Variants in GRXCR1 observed in about 807,000 individuals in gnomAD.
The protein encoded by GRXCR1 is glutaredoxin and cysteine rich domain containing 1, also known as glutaredoxin domain-containing cysteine-rich protein 1.
A neutral mutation model predicts 27.3 loss-of-function variants in GRXCR1; 27 were observed. The ratio of observed to expected loss-of-function variants is 0.99; its 90% CI spans 0.73 to 1.37. The LOEUF (loss-of-function observed/expected upper bound fraction) is 1.37, where lower values mean the gene tolerates loss of function less well. GRXCR1 is among the 40% of genes most tolerant of loss of function. The pLI, the probability that GRXCR1 is intolerant of heterozygous loss-of-function variation, is 0.00. For missense variants in GRXCR1, 379 were observed against 354.4 expected, an observed-to-expected ratio of 1.07 and a Z score of -0.56; for synonymous variants, 122 against 131.1, an observed-to-expected ratio of 0.93 and a Z score of 0.47.
chr4:43,009,080 C>T (rs1024973890), intron 2 of GRXCR1, among the ~76,000 whole-genome samples: 1 of 152,196 alleles, frequency 6.6e-6, no homozygotes, highest in Non-Finnish European at 1.5e-5. Context: ...AAATCTCAAG[C>T]TTGCCTTCTT....
chr4:42,933,028 T>G (rs997797939), intron 1 of GRXCR1, among the ~76,000 whole-genome samples: 4 of 151,846 alleles, frequency 2.6e-5, no homozygotes, highest in Non-Finnish European at 5.9e-5. Context: ...ACCACTTTAC[T>G]CAACTATTGG....
intron 1 of GRXCR1, among the ~76,000 whole-genome samples, chr4:42,904,328 T>A (rs904609596): frequency 6.6e-6 from 1 of 152,216 alleles, no homozygotes; most frequent in African/African-American, 2.4e-5. Context: ...CTTGAAAACA[T>A]TCTTCTATCA....
chr4:42,970,617 C>T (rs1002957249), intron 2 of GRXCR1, among the ~76,000 whole-genome samples: 2 of 152,120 alleles, frequency 1.3e-5, no homozygotes, highest in Admixed American at 6.6e-5. Flanking sequence ...GGATGTAGAG[C>T]AACATGTCCC....
intron 1 of GRXCR1, among the ~76,000 whole-genome samples, chr4:42,932,776 C>G (rs1226739587): frequency 2.6e-5 from 4 of 151,006 alleles, no homozygotes. Context: ...CCCTTTCACC[C>G]TGGAATTACA....
At chr4:43,007,271 A>G (rs188817078) in intron 2 of GRXCR1, among the ~76,000 whole-genome samples, 30 of 152,296 alleles carry the variant, frequency 2.0e-4, no homozygotes, top group Non-Finnish European at 3.7e-4. Context: ...TAATGCAAGA[A>G]GGAGCTGGGC....
At chr4:42,910,398 C>T (rs1436912537) in intron 1 of GRXCR1, among the ~76,000 whole-genome samples, 2 of 152,176 alleles carry the variant, frequency 1.3e-5, no homozygotes, top group Admixed American at 1.3e-4. Flanking sequence ...ATCTACACCA[C>T]CCAGCAATAA....
At chr4:43,007,888 T>C (rs986826744) in intron 2 of GRXCR1, among the ~76,000 whole-genome samples, 1 of 152,342 alleles carries the variant, frequency 6.6e-6, no homozygotes, top group African/African-American at 2.4e-5. Flanking sequence ...CCTCATAATA[T>C]CTTAACTGGC....
chr4:42,893,322 G>A lies in GRXCR1; in HGVS notation c.56G>A (p.Arg19Gln), dbSNP rs778774192. The A allele has an allele frequency of 8.1e-6, 13 of 1,613,634 alleles. No homozygotes were observed. The African/African-American group carries it at 1.2e-4, about 15-fold the overall frequency. ...GACAGGCCACGGAAAGTCCGGTTTC[G>A]GATCGCGTCCTCTCACAGTGGGCGA... ...ESDRPRKVRF[R>Q]IASSHSGRVL... The change falls in exon 1 of 4, where the codon CGG (arginine) becomes CAG (glutamine). Residue 19 changes from arginine to glutamine, a missense_variant. Arg to Gln is a conservative substitution (Grantham distance 43, BLOSUM62 1). Coordinates refer to ENST00000399770, the MANE Select transcript of GRXCR1 (RefSeq NM_001080476.3).
chr4:42,910,073 A>T (rs980068110), intron 1 of GRXCR1, among the ~76,000 whole-genome samples: 6 of 152,102 alleles, frequency 3.9e-5, no homozygotes, highest in African/African-American at 1.4e-4. Flanking sequence ...GCAGAAGGAG[A>T]AGCAAGTACA....
chr4:42,955,482 T>G (rs573341243), intron 1 of GRXCR1, among the ~76,000 whole-genome samples: 1 of 152,188 alleles, frequency 6.6e-6, no homozygotes, highest in Admixed American at 6.5e-5. Context: ...CTTGGCTCAG[T>G]GGAAAGCACG....
intron 1 of GRXCR1, among the ~76,000 whole-genome samples, chr4:42,926,293 A>G (rs1312693313): frequency 2.6e-5 from 4 of 152,030 alleles, no homozygotes; most frequent in African/African-American, 9.7e-5. Context: ...AAATACTTGA[A>G]GTATAAACGA....
At chr4:42,911,485 C>T (rs1423435314) in intron 1 of GRXCR1, among the ~76,000 whole-genome samples, 1 of 151,866 alleles carries the variant, frequency 6.6e-6, no homozygotes, top group Non-Finnish European at 1.5e-5. Context: ...TGAAATATTG[C>T]AAGATAGTAT....
intron 1 of GRXCR1, among the ~76,000 whole-genome samples, chr4:42,931,008 G>C (rs1320563916): frequency 6.6e-6 from 1 of 151,868 alleles, no homozygotes; most frequent in Non-Finnish European, 1.5e-5. Context: ...TGGAATATAT[G>C]CAAGGACAAT....
chr4:42,926,380 G>C (rs957171948), intron 1 of GRXCR1, among the ~76,000 whole-genome samples: 1 of 151,984 alleles, frequency 6.6e-6, no homozygotes, highest in African/African-American at 2.4e-5. Flanking sequence ...GCACAGAATG[G>C]TGCCTGGCAT....
intron 2 of GRXCR1, among the ~76,000 whole-genome samples, chr4:42,975,826 A>G (rs1748506919): frequency 6.6e-6 from 1 of 152,134 alleles, no homozygotes; most frequent in Non-Finnish European, 1.5e-5. Flanking sequence ...TCTTTAACTC[A>G]TATTTGGTAT....
At chr4:43,014,743 A>G (rs372030970) in intron 2 of GRXCR1, among the ~76,000 whole-genome samples, 1 of 152,168 alleles carries the variant, frequency 6.6e-6, no homozygotes, top group South Asian at 2.1e-4. Flanking sequence ...TTGTTTTTCT[A>G]TTTGAAATCA....
chr4:42,941,240 G>A (rs776705904), intron 1 of GRXCR1, among the ~76,000 whole-genome samples: 7 of 151,886 alleles, frequency 4.6e-5, no homozygotes, highest in Non-Finnish European at 1.0e-4. Flanking sequence ...CTAAGCAAAT[G>A]TTAACACTTG....
intron 2 of GRXCR1, among the ~76,000 whole-genome samples, chr4:42,994,009 T>C (rs1467329194): frequency 6.6e-6 from 1 of 152,154 alleles, no homozygotes; most frequent in African/African-American, 2.4e-5. Context: ...TTGAAGTAAC[T>C]TTCTTATTTA....
At chr4:42,901,525 T>G (rs1746459775) in intron 1 of GRXCR1, among the ~76,000 whole-genome samples, 1 of 152,194 alleles carries the variant, frequency 6.6e-6, no homozygotes, top group Non-Finnish European at 1.5e-5. Context: ...TTTTCCCATA[T>G]AAAGATCTTC....
Sources: gnomAD v4.1 joint callset for allele counts (sites outside exome capture counted in the v4.1 genomes callset) on GRCh38, gnomAD v4.1.1 for gene constraint, MANE v1.5 for transcripts, NCBI Gene and HGNC (gene_info 2026-07-23, HGNC 2026-07-21) for gene names.